IGSF21: variants seen among roughly 807,000 people sequenced by gnomAD.
IGSF21 encodes the protein immunoglobulin superfamily member 21.
IGSF21 carries 28 observed loss-of-function variants against 46.8 expected under a neutral mutation model. That is an observed-to-expected ratio of 0.60 (90% CI 0.44 to 0.82). IGSF21 has a LOEUF of 0.82. Among genes scored for constraint, IGSF21 ranks in the 40% least tolerant of loss-of-function variants. The pLI is 0.00. For synonymous variants in IGSF21, 284 were observed against 273.6 expected (o/e 1.04, Z -0.38); for missense variants, 624 against 665.5 (o/e 0.94, Z 0.69).
At chr1:18,149,990 A>T (rs140819702) in intron 1 of IGSF21, among the ~76,000 whole-genome samples, 12 of 152,264 alleles carry the variant, frequency 7.9e-5, no homozygotes, top group African/African-American at 2.9e-4. Flanking sequence ...GTGGTGGCTT[A>T]TGCCTATAAT....
At chr1:18,175,048 G>A (rs2086782073) in intron 1 of IGSF21, among the ~76,000 whole-genome samples, 1 of 152,138 alleles carries the variant, frequency 6.6e-6, no homozygotes, top group Non-Finnish European at 1.5e-5. Flanking sequence ...CACTTAGTGG[G>A]TGGCCAAGCC....
At chr1:18,352,531 G>A (rs1333427765) in intron 4 of IGSF21, among the ~76,000 whole-genome samples, 3 of 152,160 alleles carry the variant, frequency 2.0e-5, no homozygotes, top group Admixed American at 6.5e-5. Context: ...CAGGTTAAGG[G>A]ACTAGTCTTG....
intron 2 of IGSF21, among the ~76,000 whole-genome samples, chr1:18,248,940 G>T (rs375767978): frequency 2.0e-5 from 3 of 152,076 alleles, no homozygotes; most frequent in Non-Finnish European, 4.4e-5. Context: ...GGTTGGCTTC[G>T]CAGGGGAAGA....
At chr1:18,356,476 G>A (rs926561896) in intron 4 of IGSF21, among the ~76,000 whole-genome samples, 2 of 152,208 alleles carry the variant, frequency 1.3e-5, no homozygotes, top group African/African-American at 4.8e-5. Context: ...GATCTCCTGT[G>A]AATACAGTGG....
At chr1:18,303,564 C>A (rs1275157556) in intron 3 of IGSF21, among the ~76,000 whole-genome samples, 2 of 152,176 alleles carry the variant, frequency 1.3e-5, no homozygotes, top group Non-Finnish European at 2.9e-5. Context: ...CCAGGAAGCA[C>A]CCTGGGGGGA....
At chr1:18,246,267 C>T (rs745933913) in intron 2 of IGSF21, among the ~76,000 whole-genome samples, 15 of 152,102 alleles carry the variant, frequency 9.9e-5, no homozygotes, top group Non-Finnish European at 1.3e-4. Flanking sequence ...TCTCAGTGCC[C>T]AGTGGGCCCC....
At chr1:18,363,017 C>T (rs2086118856) in intron 5 of IGSF21, among the ~76,000 whole-genome samples, 1 of 152,008 alleles carries the variant, frequency 6.6e-6, no homozygotes. Context: ...GCACGAGGAC[C>T]CTTTTGGTCT....
intron 1 of IGSF21, among the ~76,000 whole-genome samples, chr1:18,157,331 G>C (rs536788192): frequency 6.6e-6 from 1 of 152,264 alleles, no homozygotes; most frequent in Admixed American, 6.5e-5. Flanking sequence ...TCACCTGCCT[G>C]GTGGGTACCC....
intron 1 of IGSF21, among the ~76,000 whole-genome samples, chr1:18,149,404 C>CG (rs1009750285): frequency 4.6e-5 from 7 of 152,158 alleles, no homozygotes; most frequent in Admixed American, 3.3e-4. Flanking sequence ...CATCCCGGCA[C>CG]GGTTCAGAGG....
rs927839238 is a variant in IGSF21, at chr1:18,278,975, A to G, written c.184-12891A>G. The stretch of plus-strand genomic sequence containing the variant: ...TAATCAAATGTTGGGGGAAGAAAAC[A>G]TGAAGCTATAGAACTAAGCTAGGGC... On this transcript the variant is annotated intron_variant, in intron 2 of 9. Transcript: ENST00000251296. The G allele has an allele frequency of 8.6e-6, 4 of 467,388 alleles. No individual in the cohort carries two copies. The East Asian group carries it at 2.1e-4, about 24-fold the overall frequency. 29.0% of individuals were successfully genotyped at this position (467,388 alleles called of 1,614,324 possible).
chr1:18,341,438 A>G (rs2085840538), intron 4 of IGSF21, among the ~76,000 whole-genome samples: 1 of 152,214 alleles, frequency 6.6e-6, no homozygotes, highest in South Asian at 2.1e-4. Context: ...TTCAACCCAC[A>G]GCAGTAACTG....
At chr1:18,370,699 A>G (rs1157423252) in intron 6 of IGSF21, among the ~76,000 whole-genome samples, 1 of 152,234 alleles carries the variant, frequency 6.6e-6, no homozygotes, top group African/African-American at 2.4e-5. Flanking sequence ...AATACTCTCA[A>G]TACATATATC....
chr1:18,129,842 A>G (rs2086302577), intron 1 of IGSF21, among the ~76,000 whole-genome samples: 1 of 152,134 alleles, frequency 6.6e-6, no homozygotes, highest in Non-Finnish European at 1.5e-5. Flanking sequence ...CATGGGTCGG[A>G]TTGGTGCTGT....
At chr1:18,180,195 G>A (rs75863039) in intron 1 of IGSF21, among the ~76,000 whole-genome samples, 2,739 of 152,292 alleles carry the variant, frequency 0.018, 35 homozygotes, top group Middle Eastern at 0.11. Flanking sequence ...TAGAATATAC[G>A]CTGCATGTGG....
chr1:18,232,043 A>T (rs945003837), intron 2 of IGSF21, among the ~76,000 whole-genome samples: 1 of 151,496 alleles, frequency 6.6e-6, no homozygotes, highest in African/African-American at 2.4e-5. Context: ...GAGAGTTGTC[A>T]TCCCTCTAAG....
At chr1:18,111,111 G>C (rs1431195395) in intron 1 of IGSF21, 2 of 152,256 alleles carry the variant, frequency 1.3e-5, no homozygotes, top group African/African-American at 4.8e-5. Flanking sequence ...GCGCGAGCGG[G>C]TGTGACGACT....
Position 18,376,976 on chromosome 1 carries a change from C to G in IGSF21, c.1278C>G (p.Thr426=). Residue 426 remains threonine (T), a synonymous_variant, in exon 8 of 10, where the codon ACC becomes ACG. Transcript: ENST00000251296. ...QNPLGSTDTH[T]RLIVFENPNI... is the part of the protein sequence containing the mutation. The stretch of plus-strand genomic sequence containing the variant: ...CACTGGGCTCCACCGACACGCACAC[C>G]CGGCTCATCGTGTTTGGTATGGCGC... The G allele has an allele frequency of 6.3e-7, 1 of 1,594,196 alleles. No individual in the cohort carries two copies. Among genetic ancestry groups the G allele is most frequent in the Non-Finnish European group, 8.6e-7 (1 of 1,164,656 alleles).
At chr1:18,314,418 C>G (rs529457282) in intron 3 of IGSF21, among the ~76,000 whole-genome samples, 17 of 152,078 alleles carry the variant, frequency 1.1e-4, no homozygotes, top group Non-Finnish European at 5.9e-5. Flanking sequence ...TAGCGGAGGT[C>G]GCCCATTATA....
intron 1 of IGSF21, among the ~76,000 whole-genome samples, chr1:18,223,862 G>T (rs1389297618): frequency 6.6e-6 from 1 of 152,166 alleles, no homozygotes; most frequent in Non-Finnish European, 1.5e-5. Context: ...CTGCAGCCTG[G>T]AAACCCCACT....
Sources: gnomAD v4.1 joint callset for allele counts (sites outside exome capture counted in the v4.1 genomes callset) on GRCh38, gnomAD v4.1.1 for gene constraint, MANE v1.5 for transcripts, NCBI Gene and HGNC (gene_info 2026-07-23, HGNC 2026-07-21) for gene names.